MTMR8: variants seen among roughly 807,000 people sequenced by gnomAD.
MTMR8 encodes myotubularin related protein 8, also known as phosphatidylinositol-3,5-bisphosphate 3-phosphatase MTMR8.
In MTMR8, 65 loss-of-function variants were observed where a neutral mutation model predicts 39.3. The ratio of observed to expected loss-of-function variants is 1.65; its 90% CI spans 1.35 to 2.03. MTMR8 has a LOEUF of 2.03. Among genes scored for constraint, MTMR8 ranks in the 30% most tolerant of loss-of-function variants. The pLI, the probability that MTMR8 is intolerant of heterozygous loss-of-function variation, is 0.00. For missense variants in MTMR8, 777 were observed against 538.9 expected, an observed-to-expected ratio of 1.44 and a Z score of -4.37; for synonymous variants, 245 against 185.2, an observed-to-expected ratio of 1.32 and a Z score of -2.62.
Position 64,268,397 on chromosome X carries a change from T to C in MTMR8, c.*140A>G, listed in dbSNP as rs1432164408. 1 of 661,415 alleles carries C rather than the reference T, an allele frequency of 1.5e-6. No individual in the cohort carries two copies. Among genetic ancestry groups the C allele is most frequent in the East Asian group, 3.4e-5 (1 of 29,338 alleles). 54.5% of individuals were successfully genotyped at this position (661,415 alleles called of 1,213,427 possible). ...TTGGTCACTTAATCAGTAAAGTAAT[T>C]CCCTTCCAGACTTAAGTGGGGAGAG... On this transcript the variant is annotated 3_prime_UTR_variant, in exon 14 of 14. Transcript: ENST00000374852.
At chrX:64,271,610 A>T (rs1931762865) in intron 12 of MTMR8, among the ~76,000 whole-genome samples, 1 of 112,511 alleles carries the variant, frequency 8.9e-6, no homozygotes, top group Non-Finnish European at 1.9e-5. Flanking sequence ...CTCCCAGCAC[A>T]GTGCCATAGG....
intron 1 of MTMR8, among the ~76,000 whole-genome samples, chrX:64,361,253 C>A (rs1923772573): frequency 9.0e-6 from 1 of 111,256 alleles, no homozygotes; most frequent in Admixed American, 9.5e-5. Context: ...TAGGTTTATT[C>A]TACTAAACTT....
chrX:64,303,260 CT>C (rs1457605429), intron 12 of MTMR8, among the ~76,000 whole-genome samples: 5 of 111,734 alleles, frequency 4.5e-5, no homozygotes, highest in Admixed American at 2.9e-4. Flanking sequence ...GAACATTTAT[CT>C]TTTTTTTCTT....
chrX:64,278,313 T>C (rs1931924417), intron 12 of MTMR8, among the ~76,000 whole-genome samples: 1 of 109,654 alleles, frequency 9.1e-6, no homozygotes, highest in African/African-American at 3.3e-5. Flanking sequence ...AGAGGCGTTC[T>C]GGCTTATGGA....
intron 12 of MTMR8, among the ~76,000 whole-genome samples, chrX:64,324,868 A>G: frequency 9.2e-6 from 1 of 109,030 alleles, no homozygotes; most frequent in Non-Finnish European, 1.9e-5. Context: ...AGATCAATGA[A>G]ACAAAGAGTT....
intron 12 of MTMR8, among the ~76,000 whole-genome samples, chrX:64,285,969 T>A (rs1569210077): frequency 9.0e-6 from 1 of 110,668 alleles, no homozygotes; most frequent in Non-Finnish European, 1.9e-5. Context: ...AAGAAATAAC[T>A]AAGATCAGAG....
At chrX:64,362,567 C>G (rs1268237193) in intron 1 of MTMR8, among the ~76,000 whole-genome samples, 1 of 99,409 alleles carries the variant, frequency 1.0e-5, no homozygotes, top group Non-Finnish European at 2.0e-5. Context: ...AAATGGGAGT[C>G]TAATAGAGCA....
At chrX:64,278,598 T>A (rs768157235) in intron 12 of MTMR8, among the ~76,000 whole-genome samples, 1 of 103,724 alleles carries the variant, frequency 9.6e-6, no homozygotes, top group Admixed American at 1.1e-4. Context: ...CTCAGCCTCC[T>A]GAGGAGCTGG....
intron 12 of MTMR8, among the ~76,000 whole-genome samples, chrX:64,314,017 G>T (rs1922389554): frequency 1.8e-5 from 2 of 112,281 alleles, no homozygotes; most frequent in African/African-American, 6.5e-5. Flanking sequence ...AGTTGACTGG[G>T]TTCATTTCTG....
rs181688844 is a variant in MTMR8 at position 64,274,615 on chromosome X, C to T, written c.1482-3542G>A. 1.9e-3 allele frequency among the ~76,000 whole-genome samples: 212 copies of T among 112,082 alleles called. 1 individual carries two copies. Among genetic ancestry groups the T allele is most frequent in the Non-Finnish European group, 3.0e-3 (160 of 53,117 alleles). On this transcript the variant is annotated intron_variant, in intron 12 of 13. Coordinates refer to ENST00000374852, the MANE Select transcript of MTMR8 (RefSeq NM_017677.4). The stretch of plus-strand genomic sequence containing the variant: ...AAATATCTGCACTCTCATGTTCATT[C>T]TGGCATTATTCACAAGAGTCAAGAT...
intron 10 of MTMR8, among the ~76,000 whole-genome samples, chrX:64,333,127 T>A (rs1922985481): frequency 8.9e-6 from 1 of 112,144 alleles, no homozygotes; most frequent in Non-Finnish European, 1.9e-5. Flanking sequence ...ACATCCTGAC[T>A]GATTAATAAT....
At chrX:64,286,764 C>G (rs1159255685) in intron 12 of MTMR8, among the ~76,000 whole-genome samples, 3 of 111,379 alleles carry the variant, frequency 2.7e-5, no homozygotes, top group Admixed American at 9.6e-5. Context: ...ATTCAACAGC[C>G]CTTCATGCTA....
At chrX:64,331,797 G>A (rs1009160038) in intron 10 of MTMR8, 40 bp from the exon 11 acceptor site, 10 of 1,086,385 alleles carry the variant, frequency 9.2e-6, no homozygotes, top group Non-Finnish European at 1.0e-5. Flanking sequence ...ACACTAGTTA[G>A]CATTAAGGAT....
intron 12 of MTMR8, among the ~76,000 whole-genome samples, chrX:64,283,070 C>A (rs928974961): frequency 9.1e-4 from 102 of 112,194 alleles, no homozygotes; most frequent in African/African-American, 3.3e-3. Flanking sequence ...AATTCCCTTT[C>A]ATAGCCAAGC....
chrX:64,374,068 C>T (rs1924197140), intron 1 of MTMR8, among the ~76,000 whole-genome samples: 1 of 111,792 alleles, frequency 8.9e-6, no homozygotes, highest in African/African-American at 3.3e-5. Flanking sequence ...AGATTCTGTG[C>T]TAAACCATCC....
chrX:64,392,968 A>T (rs1924729909), intron 1 of MTMR8, among the ~76,000 whole-genome samples: 1 of 111,856 alleles, frequency 8.9e-6, no homozygotes, highest in African/African-American at 3.2e-5. Flanking sequence ...AAACAGACTC[A>T]CAGCAGCATA....
chrX:64,369,188 C>T (rs980496464), intron 1 of MTMR8, among the ~76,000 whole-genome samples: 1 of 111,821 alleles, frequency 8.9e-6, no homozygotes, highest in Non-Finnish European at 1.9e-5. Context: ...AGTTCAACCA[C>T]TGTGGAAGAC....
intron 12 of MTMR8, among the ~76,000 whole-genome samples, chrX:64,287,116 C>A (rs953902638): frequency 3.6e-5 from 4 of 111,985 alleles, no homozygotes; most frequent in African/African-American, 1.3e-4. Context: ...TCAGCAAAAT[C>A]TCAGGATACA....
intron 1 of MTMR8, among the ~76,000 whole-genome samples, chrX:64,364,617 A>G (rs1045944064): frequency 6.3e-5 from 7 of 111,950 alleles, no homozygotes; most frequent in Non-Finnish European, 9.4e-5. Flanking sequence ...CGTAACCAGC[A>G]TCAAAGACCA....
Sources: gnomAD v4.1 joint callset for allele counts (sites outside exome capture counted in the v4.1 genomes callset) on GRCh38, gnomAD v4.1.1 for gene constraint, MANE v1.5 for transcripts, NCBI Gene and HGNC (gene_info 2026-07-23, HGNC 2026-07-21) for gene names.